Variants in CSMD2 observed in about 807,000 individuals in gnomAD.
CSMD2 encodes the protein CUB and Sushi multiple domains 2.
CSMD2 carries 130 observed loss-of-function variants against 398.5 expected under a neutral mutation model. That is an observed-to-expected ratio of 0.33 (90% CI 0.28 to 0.38). CSMD2 has a LOEUF of 0.38. Ranked by LOEUF, CSMD2 falls within the 10% of genes least tolerant of loss-of-function variation. The probability of loss-of-function intolerance (pLI) is 1.00; values close to 1 mark genes in which losing one functional copy is unlikely to be tolerated. For synonymous variants in CSMD2, 1,828 were observed against 1,908.5 expected (o/e 0.96, Z 1.10); for missense variants, 3,829 against 4,764.9 (o/e 0.80, Z 5.78).
chr1:33,700,527 C>T lies in CSMD2; in HGVS notation c.3723G>A (p.Leu1241=). Residue 1241 remains leucine (L), a synonymous_variant, in exon 23 of 71, where the codon CTG becomes CTA. Transcript: ENST00000373381. ...DAENTSKGFE[L]HFSSFELIKC... ...GCAAGAAAGACTTACTGGAAAAGTG[C>T]AGTTCAAAGCCCTTGCTGGTGTTTT... 1.2e-6 allele frequency: 2 copies of T among 1,614,080 alleles called. No individual in the cohort carries two copies. The highest frequency in any genetic ancestry group is 8.5e-7 in the Non-Finnish European group (1 of 1,179,984).
chr1:33,737,723 C>G (rs185965439), intron 15 of CSMD2, among the ~76,000 whole-genome samples: 1 of 152,274 alleles, frequency 6.6e-6, no homozygotes, highest in African/African-American at 2.4e-5. Flanking sequence ...TTCATTCATT[C>G]ATTTATTCGG....
At chr1:33,710,864 T>TC in intron 21 of CSMD2, among the ~76,000 whole-genome samples, 1 of 152,310 alleles carries the variant, frequency 6.6e-6, no homozygotes, top group Non-Finnish European at 1.5e-5. Flanking sequence ...GGGCCACATG[T>TC]CCCACCACCA....
chr1:33,679,295 G>A (rs570819198), intron 25 of CSMD2, among the ~76,000 whole-genome samples: 1 of 151,164 alleles, frequency 6.6e-6, no homozygotes, highest in South Asian at 2.1e-4. Flanking sequence ...TCCGCCCCCT[G>A]GGTTCAAGCG....
At chr1:33,563,001 AG>A (rs1167237749) in intron 53 of CSMD2, among the ~76,000 whole-genome samples, 1 of 151,852 alleles carries the variant, frequency 6.6e-6, no homozygotes, top group Admixed American at 6.7e-5. Context: ...GTTTCTCTGG[AG>A]GACTCTGAAC....
At chr1:33,540,447 C>A in intron 60 of CSMD2, 78 bp downstream of exon 60, 1 of 1,514,452 alleles carries the variant, frequency 6.6e-7, no homozygotes, top group Non-Finnish European at 9.1e-7. Flanking sequence ...TCTGGGCCTT[C>A]CAGCCACAAA....
chr1:34,072,654 C>T (rs146715975), intron 2 of CSMD2, among the ~76,000 whole-genome samples: 213 of 152,314 alleles, frequency 1.4e-3, no homozygotes, highest in Non-Finnish European at 1.8e-3. Context: ...TGCTATTAAA[C>T]AGCAGACTTG....
In CSMD2 at chr1:33,704,940, T is replaced by G. The variant is rs536547251; in HGVS notation, c.3576+4149A>C. Among the ~76,000 whole-genome samples the G allele has an allele frequency of 2.0e-3, 306 of 151,946 alleles. 1 individual carries two copies. Among genetic ancestry groups the G allele is most frequent in the Admixed American group, 3.7e-3 (57 of 15,288 alleles). ...ATCACGTCCCGCTAATTTTTTTTTT[T>G]TTTTTGTATTTTTACTAGAGACAGG... On this transcript the variant is annotated intron_variant, in intron 22 of 70. Coordinates refer to ENST00000373381, the MANE Select transcript of CSMD2 (RefSeq NM_001281956.2).
chr1:33,931,054 T>A (rs1320727108), intron 4 of CSMD2, among the ~76,000 whole-genome samples: 1 of 152,268 alleles, frequency 6.6e-6, no homozygotes, highest in African/African-American at 2.4e-5. Flanking sequence ...CACTCAGAGC[T>A]ACTGGGCAGG....
chr1:33,605,502 T>C, intron 41 of CSMD2, 32 bp from the exon 42 acceptor site: 1 of 1,609,442 alleles, frequency 6.2e-7, no homozygotes, highest in Non-Finnish European at 8.5e-7. Context: ...GGTCACTTTA[T>C]TCTCTCTGAC....
At chr1:34,052,705 T>A (rs1653351037) in intron 2 of CSMD2, among the ~76,000 whole-genome samples, 3 of 152,180 alleles carry the variant, frequency 2.0e-5, no homozygotes, top group South Asian at 4.1e-4. Flanking sequence ...ACTGTGTCCA[T>A]CATGCTTACT....
intron 5 of CSMD2, chr1:33,864,179 T>G (rs771142964): frequency 1.3e-6 from 2 of 1,579,798 alleles, no homozygotes; most frequent in Admixed American, 1.9e-5. Context: ...AGAAAAAAGG[T>G]GAACTTACGA....
At chr1:33,630,245 T>C (rs1642387546) in intron 32 of CSMD2, among the ~76,000 whole-genome samples, 1 of 152,172 alleles carries the variant, frequency 6.6e-6, no homozygotes, top group Non-Finnish European at 1.5e-5. Flanking sequence ...ATACATTATC[T>C]ATCTATCTGT....
intron 6 of CSMD2, among the ~76,000 whole-genome samples, chr1:33,830,972 A>C (rs981179172): frequency 1.3e-5 from 2 of 152,190 alleles, no homozygotes; most frequent in Non-Finnish European, 2.9e-5. Context: ...AAAAGAATAA[A>C]AAGAAACGAA....
At chr1:34,045,075 ACACC>A (rs749689787) in intron 2 of CSMD2, among the ~76,000 whole-genome samples, 1 of 143,774 alleles carries the variant, frequency 7.0e-6, no homozygotes, top group Admixed American at 7.0e-5. Context: ...ACACACACAC[ACACC>A]CCTACAAACA....
intron 12 of CSMD2, among the ~76,000 whole-genome samples, chr1:33,782,488 G>A (rs577497779): frequency 2.7e-4 from 41 of 152,246 alleles, no homozygotes; most frequent in African/African-American, 9.9e-4. Context: ...CTCATTGATG[G>A]GGAGAGACTG....
In CSMD2 at chr1:34,043,318, C is replaced by T. The variant is rs148996364; in HGVS notation, c.405-10612G>A. Among the ~76,000 whole-genome samples, 1,148 of 152,268 alleles carry T rather than the reference C, an allele frequency of 7.5e-3. 7 individuals carry two copies. The highest frequency in any genetic ancestry group is 0.016 in the South Asian group (77 of 4,826). Reference sequence around the variant, plus strand: ...CAGATGTATCCCTTTGCCACCCAGGCGGCCTCCACCTTACCTTCCCCCCAA... The same window carrying T: ...CAGATGTATCCCTTTGCCACCCAGGTGGCCTCCACCTTACCTTCCCCCCAA... On this transcript the variant is annotated intron_variant, in intron 2 of 70. Transcript: ENST00000373381.
intron 1 of CSMD2, among the ~76,000 whole-genome samples, chr1:34,092,736 C>T (rs536384490): frequency 4.8e-4 from 72 of 150,470 alleles, no homozygotes; most frequent in African/African-American, 1.6e-3. Flanking sequence ...GATTATATCC[C>T]GCACCTGGCT....
intron 41 of CSMD2, 110 bp downstream of exon 41, chr1:33,610,931 C>T (rs1171068102): frequency 1.3e-5 from 14 of 1,063,922 alleles, no homozygotes; most frequent in Non-Finnish European, 1.8e-5. Context: ...CACCGCAACC[C>T]ACCCCTTATG....
intron 1 of CSMD2, among the ~76,000 whole-genome samples, chr1:34,136,175 G>A (rs1225239735): frequency 6.6e-6 from 1 of 152,152 alleles, no homozygotes; most frequent in Non-Finnish European, 1.5e-5. Context: ...CACACAGGTT[G>A]CTCTAGTAAA....
Sources: gnomAD v4.1 joint callset for allele counts (sites outside exome capture counted in the v4.1 genomes callset) on GRCh38, gnomAD v4.1.1 for gene constraint, MANE v1.5 for transcripts, NCBI Gene and HGNC (gene_info 2026-07-23, HGNC 2026-07-21) for gene names.